The following GPR146 variants were observed in gnomAD, a reference collection of about 807,000 sequenced individuals.
GPR146 encodes G protein-coupled receptor 146, also known as G-protein coupled receptor 146.
For missense variants in GPR146, 381 were observed against 213.9 expected (o/e 1.78, Z -4.87); for synonymous variants, 203 against 104.3 (o/e 1.95, Z -5.77).
chr7:1,046,178 G>A (rs1563043379), intron 1 of GPR146, among the ~76,000 whole-genome samples: 2 of 152,238 alleles, frequency 1.3e-5, no homozygotes, highest in African/African-American at 4.8e-5. Flanking sequence ...GCTCACTGGG[G>A]CAGGGAGAAG....
chr7:1,058,010 C>G lies in GPR146; in HGVS notation c.495C>G (p.Phe165Leu), dbSNP rs150866891. 3 of 769,974 alleles carry G rather than the reference C, an allele frequency of 3.9e-6. No individual in the cohort carries two copies. Among genetic ancestry groups the G allele is most frequent in the African/African-American group, 1.7e-5 (1 of 59,156 alleles). The allele number at this position is 769,974 out of a possible 1,614,324, so 47.7% of individuals were successfully genotyped here. The change falls in exon 2 of 2, where the codon TTC becomes TTG. Residue 165 changes from phenylalanine to leucine, a missense_variant. By Grantham distance (22) the Phe-to-Leu change is conservative (BLOSUM62 0). Transcript: ENST00000444847. ...TGACCAGCTTCTCCTCGCTGCTCTT[C>G]TACATCTGCAGCCATGTGTCCACCC... is the stretch of plus-strand genomic sequence containing the variant. ...ALLTSFSSLL[F>L]YICSHVSTRA...
rs1348502817 is a variant in GPR146, at chr7:1,052,874, C to T, written c.-24-4618C>T. On this transcript the variant is annotated intron_variant, in intron 1 of 1. Coordinates refer to ENST00000444847, the MANE Select transcript of GPR146 (RefSeq NM_001303473.2). The surrounding 1 kb of genome is among the most constrained non-coding windows in gnomAD (Gnocchi z 4.2). ...GGTCTCTCCTGCCTTCTGAGGGAGC[C>T]TCCAGAATCTTTCATCGCCGCCACA... 2.0e-5 allele frequency among the ~76,000 whole-genome samples: 3 copies of T among 152,232 alleles called. No individual in the cohort carries two copies. The East Asian group carries it at 5.8e-4, about 29-fold the overall frequency.
At position 1,058,231 on chromosome 7, in the gene GPR146, T is replaced by G. The variant is rs760662122; in HGVS notation, c.716T>G (p.Val239Gly). 1.4e-5 allele frequency: 11 copies of G among 761,828 alleles called. No homozygotes were observed. In the South Asian group the frequency reaches 1.5e-4, roughly 10 times the overall value. 47.2% of individuals were successfully genotyped at this position (761,828 alleles called of 1,614,324 possible). A position where few individuals can be genotyped will look rare whatever the true frequency, so the allele number is the denominator to read the frequency against. The change falls in exon 2 of 2, where the codon GTG (valine) becomes GGG (glycine). Residue 239 changes from valine (V) to glycine (G), a missense_variant. Transcript: ENST00000444847. ...PSAHRLLVAT[V>G]CTQFGLWTPH... ...GCACACAGGCTGCTGGTGGCCACCGTGTGCACGCAGTTTGGGCTCTGGACG... is the reference window on the plus strand; with the variant it reads ...GCACACAGGCTGCTGGTGGCCACCGGGTGCACGCAGTTTGGGCTCTGGACG...
chr7:1,044,982 C>T (rs145911172), intron 1 of GPR146, among the ~76,000 whole-genome samples: 2 of 152,286 alleles, frequency 1.3e-5, no homozygotes, highest in African/African-American at 4.8e-5. Context: ...TGATCCTGCT[C>T]TCCTGGGCCA....
chr7:1,054,267 C>T (rs1314175838), intron 1 of GPR146, among the ~76,000 whole-genome samples: 4 of 152,230 alleles, frequency 2.6e-5, no homozygotes, highest in Non-Finnish European at 5.9e-5. Context: ...AAAACAGGTA[C>T]GGCTCGGCTT....
chr7:1,058,523 C>A lies in GPR146; in HGVS notation c.*6C>A. The A allele has an allele frequency of 1.3e-6, 1 of 776,174 alleles. No homozygotes were observed. The allele number at this position is 776,174 out of a possible 1,614,324, so 48.1% of individuals were successfully genotyped here. A position where few individuals can be genotyped will look rare whatever the true frequency, so the allele number is the denominator to read the frequency against. ...TGCAGCAGGTGCTGGCGTAGGCGGC[C>A]CAGCCCTCCTGGGGAGACGTGACTC... is the stretch of plus-strand genomic sequence containing the variant. On this transcript the variant is annotated 3_prime_UTR_variant, in exon 2 of 2. Coordinates refer to ENST00000444847, the MANE Select transcript of GPR146 (RefSeq NM_001303473.2).
chr7:1,055,638 G>A (rs1783663554), intron 1 of GPR146, among the ~76,000 whole-genome samples: 1 of 152,194 alleles, frequency 6.6e-6, no homozygotes, highest in South Asian at 2.1e-4. Context: ...TCTCTAAGTA[G>A]GGAATGAAGG....
intron 1 of GPR146, among the ~76,000 whole-genome samples, chr7:1,054,476 C>A (rs1005512068): frequency 5.9e-5 from 9 of 152,256 alleles, no homozygotes; most frequent in Non-Finnish European, 7.3e-5. Flanking sequence ...GGTGACAGCA[C>A]GCACTCGAGA....
intron 1 of GPR146, among the ~76,000 whole-genome samples, chr7:1,047,624 T>C (rs879677944): frequency 8.5e-5 from 13 of 152,278 alleles, no homozygotes; most frequent in Non-Finnish European, 1.3e-4. Flanking sequence ...TTGATTGTTC[T>C]AGAATATTCA....
intron 1 of GPR146, among the ~76,000 whole-genome samples, chr7:1,057,096 C>T (rs969675014): frequency 9.9e-5 from 15 of 152,150 alleles, no homozygotes; most frequent in Non-Finnish European, 7.4e-5. Flanking sequence ...CATTGCCTGT[C>T]CCTCCCGGCG....
At chr7:1,055,547 GGA>G (rs1263873591) in intron 1 of GPR146, 9 of 426,170 alleles carry the variant, frequency 2.1e-5, no homozygotes, top group Non-Finnish European at 3.8e-5. Context: ...AGTACAGGCA[GGA>G]GAGGGGACGT....
In GPR146 at chr7:1,057,479, C is replaced by T; in HGVS notation, c.-24-13C>T. ...CGGGACGCGAGCTGACCACCTGTTC[C>T]TTCTTTCCGCAGGGTCGCGGAGCCT... is the stretch of plus-strand genomic sequence containing the variant. On this transcript the variant is annotated splice_polypyrimidine_tract_variant and intron_variant, in intron 1 of 1. Transcript: ENST00000444847. 1.4e-6 allele frequency: 1 copy of T among 728,006 alleles called. No homozygotes were observed. Among genetic ancestry groups the T allele is most frequent in the South Asian group, 1.5e-5 (1 of 66,702 alleles). The allele number at this position is 728,006 out of a possible 1,614,324, so 45.1% of individuals were successfully genotyped here. A position where few individuals can be genotyped will look rare whatever the true frequency, so the allele number is the denominator to read the frequency against.
chr7:1,054,748 G>A (rs1422835234), intron 1 of GPR146, among the ~76,000 whole-genome samples: 1 of 152,214 alleles, frequency 6.6e-6, no homozygotes, highest in Non-Finnish European at 1.5e-5. Context: ...GAGGCTCCGT[G>A]TGTGGGGCCG....
rs1784137924 is a variant in GPR146, at chr7:1,058,584, C to T, written c.*67C>T. On this transcript the variant is annotated 3_prime_UTR_variant, in exon 2 of 2. Coordinates refer to ENST00000444847, the MANE Select transcript of GPR146 (RefSeq NM_001303473.2). ...AGAGCACTTAGTTACCCTGGACGCT[C>T]CCCACATCCTTCCAGAAGGAGACGA... The T allele has an allele frequency of 1.5e-6, 1 of 674,686 alleles. No homozygotes were observed. 41.8% of individuals were successfully genotyped at this position (674,686 alleles called of 1,614,324 possible). A position where few individuals can be genotyped will look rare whatever the true frequency, so the allele number is the denominator to read the frequency against.
Position 1,057,870 on chromosome 7 carries a change from T to A in GPR146, c.355T>A (p.Ser119Thr). Residue 119 changes from serine to threonine, a missense_variant, in exon 2 of 2, where the codon TCC becomes ACC. By Grantham distance (58) the Ser-to-Thr change is moderately conservative. Coordinates refer to ENST00000444847, the MANE Select transcript of GPR146 (RefSeq NM_001303473.2). Reference sequence around the variant, plus strand: ...TGTGTCCTCACTGGTGGCCATGTACTCCACCGCCCTGCTGAGCCTCGACCA... The same window carrying A: ...TGTGTCCTCACTGGTGGCCATGTACACCACCGCCCTGCTGAGCCTCGACCA... ...FNVSSLVAMY[S>T]TALLSLDHYI... The A allele has an allele frequency of 1.3e-6, 1 of 777,348 alleles. No homozygotes were observed. The highest frequency in any genetic ancestry group is 1.7e-5 in the Admixed American group (1 of 59,046). 48.2% of individuals were successfully genotyped at this position (777,348 alleles called of 1,614,324 possible).
rs748439721 is a variant in GPR146, at chr7:1,058,421, C to A, written c.906C>A (p.Ser302Arg). 4 of 780,638 alleles carry A rather than the reference C, an allele frequency of 5.1e-6. No individual in the cohort carries two copies. The highest frequency in any genetic ancestry group is 1.7e-5 in the Admixed American group (1 of 59,026). The allele number at this position is 780,638 out of a possible 1,614,324, so 48.4% of individuals were successfully genotyped here. A position where few individuals can be genotyped will look rare whatever the true frequency, so the allele number is the denominator to read the frequency against. Residue 302 changes from serine (S) to arginine (R), a missense_variant, in exon 2 of 2, where the codon AGC becomes AGA. Transcript: ENST00000444847. Reference sequence around the variant, plus strand: ...TTCTCTACCGCTACATGAACCAGAGCTTCCCCAGCAAGCTCCAACGGCTGA... The same window carrying A: ...TTCTCTACCGCTACATGAACCAGAGATTCCCCAGCAAGCTCCAACGGCTGA... The part of the protein sequence containing the change: ...TPLLYRYMNQ[S>R]FPSKLQRLMK...
chr7:1,057,473 C>G lies in GPR146; in HGVS notation c.-24-19C>G, dbSNP rs1474010025. 2 of 721,366 alleles carry G rather than the reference C, an allele frequency of 2.8e-6. No individual in the cohort carries two copies. The highest frequency in any genetic ancestry group is 3.4e-5 in the African/African-American group (2 of 58,588). The allele number at this position is 721,366 out of a possible 1,614,324, so 44.7% of individuals were successfully genotyped here. On this transcript the variant is annotated intron_variant, in intron 1 of 1. Coordinates refer to ENST00000444847, the MANE Select transcript of GPR146 (RefSeq NM_001303473.2). ...TTGGGACGGGACGCGAGCTGACCAC[C>G]TGTTCCTTCTTTCCGCAGGGTCGCG...
chr7:1,050,532 C>T (rs1213221110), intron 1 of GPR146, among the ~76,000 whole-genome samples: 1 of 152,244 alleles, frequency 6.6e-6, no homozygotes, highest in East Asian at 1.9e-4. Flanking sequence ...GAGCCTGGGG[C>T]TCCCAGCTCC....
chr7:1,058,983 G>GGGC lies in GPR146; in HGVS notation c.*471_*473dup, dbSNP rs1415966226. ...GCCAGGGTGGCCGGGCCCTGCCAGT[G>GGGC]GGCGGCGTGTGCTAGCAAGGCCTGC... On this transcript the variant is annotated 3_prime_UTR_variant, in exon 2 of 2. Coordinates refer to ENST00000444847, the MANE Select transcript of GPR146 (RefSeq NM_001303473.2). The GGGC allele has an allele frequency of 2.4e-4, 45 of 186,992 alleles. No homozygotes were observed. In the Middle Eastern group the frequency reaches 0.021, roughly 87 times the overall value. 11.6% of individuals were successfully genotyped at this position (186,992 alleles called of 1,614,324 possible).
Sources: gnomAD v4.1 joint callset for allele counts (sites outside exome capture counted in the v4.1 genomes callset) on GRCh38, gnomAD v4.1.1 for gene constraint, Gnocchi (gnomAD v3.1) non-coding constraint, MANE v1.5 for transcripts, NCBI Gene and HGNC (gene_info 2026-07-23, HGNC 2026-07-21) for gene names.